The following MYZAP variants were observed in gnomAD, a reference collection of about 807,000 sequenced individuals.
The protein encoded by MYZAP is myocardial zonula adherens protein, also known as GRINL1A complex locus upstream.
A neutral mutation model predicts 69.4 loss-of-function variants in MYZAP; 66 were observed. That is an observed-to-expected ratio of 0.95 (90% CI 0.78 to 1.17). The LOEUF (loss-of-function observed/expected upper bound fraction) is 1.17, where lower values mean the gene tolerates loss of function less well. Ranked by LOEUF, MYZAP falls within the 50% of genes most tolerant of loss-of-function variation. MYZAP has a pLI of 0.00. For missense variants in MYZAP, 611 were observed against 556.2 expected, an observed-to-expected ratio of 1.10 and a Z score of -0.99; for synonymous variants, 256 against 205.9, an observed-to-expected ratio of 1.24 and a Z score of -2.09.
At chr15:57,657,019 C>A (rs2038043632) in intron 10 of MYZAP, among the ~76,000 whole-genome samples, 1 of 152,138 alleles carries the variant, frequency 6.6e-6, no homozygotes, top group African/African-American at 2.4e-5. Flanking sequence ...CTCTATAGCA[C>A]TCTCTCTAGG....
intron 1 of MYZAP, among the ~76,000 whole-genome samples, chr15:57,595,717 T>C (rs1431439873): frequency 2.0e-5 from 3 of 152,134 alleles, no homozygotes; most frequent in African/African-American, 7.2e-5. Flanking sequence ...AATAAAAGAC[T>C]GTTGGCTGGT....
Position 57,632,563 on chromosome 15 carries a change from T to C in MYZAP, c.804+4T>C. The C allele has an allele frequency of 6.2e-7, 1 of 1,613,818 alleles. No individual in the cohort carries two copies. Among genetic ancestry groups the C allele is most frequent in the Non-Finnish European group, 8.5e-7 (1 of 1,179,888 alleles). On this transcript the variant is annotated splice_donor_region_variant and intron_variant, in intron 7 of 12. Transcript: ENST00000267853. ...TGCTGAGAAGGAGGCTCTTTTGGTG[T>C]GTGTGTTGTAGCTGCCGATGTAAAC... is the stretch of plus-strand genomic sequence containing the variant.
At chr15:57,605,923 A>T (rs1439472228) in intron 2 of MYZAP, among the ~76,000 whole-genome samples, 1 of 151,956 alleles carries the variant, frequency 6.6e-6, no homozygotes, top group African/African-American at 2.4e-5. Flanking sequence ...GGCTTATAAC[A>T]CATCGAATAT....
chr15:57,673,888 A>G (rs1321135753), intron 11 of MYZAP, among the ~76,000 whole-genome samples: 1 of 152,210 alleles, frequency 6.6e-6, no homozygotes, highest in East Asian at 1.9e-4. Flanking sequence ...GAAAAGAACA[A>G]ATGGTTTCAT....
intron 8 of MYZAP, among the ~76,000 whole-genome samples, chr15:57,636,310 C>T (rs2036815284): frequency 6.6e-6 from 1 of 152,124 alleles, no homozygotes; most frequent in African/African-American, 2.4e-5. Context: ...AACAAAACCC[C>T]AGTCAAAGTT....
At chr15:57,622,851 A>G (rs1488263534) in intron 4 of MYZAP, among the ~76,000 whole-genome samples, 2 of 152,256 alleles carry the variant, frequency 1.3e-5, no homozygotes, top group Admixed American at 1.3e-4. Flanking sequence ...AGAAAGGCTG[A>G]TAACTTTGAC....
chr15:57,599,528 A>G (rs2034279393), intron 1 of MYZAP: 9 of 1,247,088 alleles, frequency 7.2e-6, no homozygotes, highest in African/African-American at 1.5e-5. Context: ...TGTTCAGGGT[A>G]GGATGCAGTT....
chr15:57,597,390 T>C (rs975943099), intron 1 of MYZAP, among the ~76,000 whole-genome samples: 1 of 152,242 alleles, frequency 6.6e-6, no homozygotes, highest in Admixed American at 6.5e-5. Context: ...GCGATTCTAA[T>C]GTGCAGCAAG....
chr15:57,644,284 G>A (rs1284720183), intron 10 of MYZAP, among the ~76,000 whole-genome samples: 2 of 152,016 alleles, frequency 1.3e-5, no homozygotes, highest in East Asian at 3.9e-4. Context: ...CAATAGGAAG[G>A]GCTCAACAGA....
intron 5 of MYZAP, among the ~76,000 whole-genome samples, chr15:57,627,076 C>T (rs1299051144): frequency 6.6e-6 from 1 of 152,214 alleles, no homozygotes; most frequent in Non-Finnish European, 1.5e-5. Context: ...CCCAGCCCAC[C>T]AGCAAGGGCT....
intron 11 of MYZAP, among the ~76,000 whole-genome samples, chr15:57,673,030 A>G (rs1335087642): frequency 6.6e-6 from 1 of 152,108 alleles, no homozygotes; most frequent in Non-Finnish European, 1.5e-5. Context: ...CCCTCACCTA[A>G]TTTCACTGCC....
chr15:57,653,184 G>A (rs186644662), intron 10 of MYZAP, among the ~76,000 whole-genome samples: 14 of 152,198 alleles, frequency 9.2e-5, no homozygotes, highest in East Asian at 7.7e-4. Context: ...ACACAGCCCC[G>A]ACACTCTGAT....
At chr15:57,639,221 T>A (rs1247489929) in intron 9 of MYZAP, among the ~76,000 whole-genome samples, 15 of 152,000 alleles carry the variant, frequency 9.9e-5, no homozygotes, top group African/African-American at 2.9e-4. Flanking sequence ...TTTATTTTTT[T>A]TTTTTGTGGA....
chr15:57,651,956 A>G (rs2037749257), intron 10 of MYZAP, among the ~76,000 whole-genome samples: 1 of 152,202 alleles, frequency 6.6e-6, no homozygotes, highest in South Asian at 2.1e-4. Flanking sequence ...ACCAAATTAC[A>G]TTATTTTACC....
chr15:57,603,167 G>A lies in MYZAP; in HGVS notation c.76-1102G>A, dbSNP rs377496365. On this transcript the variant is annotated intron_variant, in intron 1 of 12. Transcript: ENST00000267853. ...TTAATAAACTGACGTGAGAATCTCA[G>A]TGACTAGTGACAAATATTCATGGTG... Among the ~76,000 whole-genome samples, 17 of 152,274 alleles carry A rather than the reference G, an allele frequency of 1.1e-4. 1 individual carries two copies. Among genetic ancestry groups the A allele is most frequent in the Admixed American group, 8.5e-4 (13 of 15,300 alleles).
chr15:57,653,959 T>C (rs193176266), intron 10 of MYZAP, among the ~76,000 whole-genome samples: 17 of 131,840 alleles, frequency 1.3e-4, no homozygotes. Flanking sequence ...GAGCTATGAT[T>C]GTAGCACTAT....
chr15:57,661,671 T>C, intron 11 of MYZAP, 138 bp downstream of exon 11: 1 of 733,136 alleles, frequency 1.4e-6, no homozygotes, highest in African/African-American at 1.8e-5. Flanking sequence ...GTGCCAGCCT[T>C]GAAAATGAGG....
At chr15:57,667,992 ATG>A (rs2038670918) in intron 11 of MYZAP, among the ~76,000 whole-genome samples, 1 of 152,076 alleles carries the variant, frequency 6.6e-6, no homozygotes, top group Non-Finnish European at 1.5e-5. Context: ...TTTGGTCACT[ATG>A]GATTTCCATT....
At position 57,646,198 on chromosome 15, in the gene MYZAP, G is replaced by A. The variant is rs77102660; in HGVS notation, c.1119+6653G>A. The A allele has an allele frequency of 8.6e-3, 11,041 of 1,289,346 alleles. 60 individuals carry two copies. Among genetic ancestry groups the A allele is most frequent in the Non-Finnish European group, 9.7e-3 (9,636 of 988,826 alleles). The allele number at this position is 1,289,346 out of a possible 1,614,324, so 79.9% of individuals were successfully genotyped here. ...CGGCTCTTTGGAAGATGATAAGTTG[G>A]TAGCCTGCTCTGGGTTGGAAGCGAT... On this transcript the variant is annotated intron_variant, in intron 10 of 12. Coordinates refer to ENST00000267853, the MANE Select transcript of MYZAP (RefSeq NM_001018100.5).
Sources: allele counts gnomAD v4.1 joint callset (sites outside exome capture counted in the v4.1 genomes callset), GRCh38; gene constraint gnomAD v4.1.1; transcripts MANE v1.5; gene names NCBI Gene and HGNC (gene_info 2026-07-23, HGNC 2026-07-21).